The following LPP variants were observed in gnomAD, a reference collection of about 807,000 sequenced individuals.
LPP encodes the protein lipoma-preferred partner.
LPP carries 38 observed loss-of-function variants against 60.4 expected under a neutral mutation model. The ratio of observed to expected loss-of-function variants is 0.63; its 90% confidence interval spans 0.49 to 0.83. The LOEUF (loss-of-function observed/expected upper bound fraction) is 0.83. Among genes scored for constraint, LPP ranks in the 40% least tolerant of loss-of-function variants. LPP has a pLI of 0.00. For synonymous variants in LPP, 328 were observed against 290.8 expected (o/e 1.13, Z -1.30); for missense variants, 902 against 783.6 (o/e 1.15, Z -1.80).
intron 2 of LPP, among the ~76,000 whole-genome samples, chr3:188,271,877 C>T (rs1008292473): frequency 4.6e-5 from 7 of 152,078 alleles, no homozygotes; most frequent in East Asian, 3.9e-4. Flanking sequence ...ACAATGGCTC[C>T]GAGAAGGCCA....
chr3:188,887,014 GA>G lies in LPP; in HGVS notation c.*12539del. ...CTCTCTTTATATTTCTATCTGTTGGGAAAAGGGTAAAGAACTATTCTTGGTC... is the reference window on the plus strand; with the variant it reads ...CTCTCTTTATATTTCTATCTGTTGGGAAAGGGTAAAGAACTATTCTTGGTC... On this transcript the variant is annotated 3_prime_UTR_variant, in exon 12 of 12. Transcript: ENST00000617246. 4.3e-6 allele frequency: 1 copy of G among 231,470 alleles called. No homozygotes were observed. The highest frequency in any genetic ancestry group is 8.6e-6 in the Non-Finnish European group (1 of 116,952). 14.3% of individuals were successfully genotyped at this position (231,470 alleles called of 1,614,324 possible).
intron 9 of LPP, among the ~76,000 whole-genome samples, chr3:188,764,641 A>T (rs747696225): frequency 6.6e-6 from 1 of 152,234 alleles, no homozygotes; most frequent in Admixed American, 6.5e-5. Context: ...CCTTCTGCAC[A>T]TAAAGAGACA....
intron 6 of LPP, among the ~76,000 whole-genome samples, chr3:188,540,428 A>G (rs1824845847): frequency 1.3e-5 from 2 of 152,340 alleles, no homozygotes; most frequent in African/African-American, 4.8e-5. Flanking sequence ...TTTAAAGACC[A>G]AGTTCATGTT....
chr3:188,406,630 T>C (rs1207078168), intron 4 of LPP, among the ~76,000 whole-genome samples: 10 of 152,194 alleles, frequency 6.6e-5, no homozygotes, highest in African/African-American at 2.4e-4. Context: ...CATTCTCTTG[T>C]AGGGTTTTAG....
At chr3:188,545,576 G>C (rs1297304062) in intron 6 of LPP, among the ~76,000 whole-genome samples, 2 of 152,062 alleles carry the variant, frequency 1.3e-5, no homozygotes, top group African/African-American at 4.8e-5. Flanking sequence ...GCCTCGATTT[G>C]GGTGCAGAGG....
chr3:188,657,258 G>GTGTATATATATATATATA (rs1553782707), intron 7 of LPP, among the ~76,000 whole-genome samples: 2,870 of 89,704 alleles, frequency 0.032, 138 homozygotes, highest in East Asian at 0.12. Flanking sequence ...CTGTCAAGGT[G>GTGTATATATATATATATA]TATATATATA....
At chr3:188,350,315 T>C (rs1377415252) in intron 3 of LPP, among the ~76,000 whole-genome samples, 2 of 152,184 alleles carry the variant, frequency 1.3e-5, no homozygotes, top group African/African-American at 2.4e-5. Context: ...CTCTTTCCTA[T>C]TGGAGGTTTC....
chr3:188,845,397 G>A (rs1577936908), intron 9 of LPP, among the ~76,000 whole-genome samples: 1 of 152,214 alleles, frequency 6.6e-6, no homozygotes, highest in African/African-American at 2.4e-5. Context: ...GAAAGCTTGA[G>A]AGAGATGAAA....
At chr3:188,165,435 A>G (rs1250604354) in intron 1 of LPP, among the ~76,000 whole-genome samples, 1 of 152,200 alleles carries the variant, frequency 6.6e-6, no homozygotes, top group Admixed American at 6.5e-5. Flanking sequence ...CATAACATGG[A>G]TAGAGACATG....
intron 7 of LPP, among the ~76,000 whole-genome samples, chr3:188,688,535 G>A (rs914576777): frequency 3.3e-5 from 5 of 152,226 alleles, no homozygotes; most frequent in African/African-American, 1.2e-4. Context: ...AGAGGATGTG[G>A]AAGGGAATCA....
chr3:188,579,282 T>A (rs1560589730), intron 6 of LPP, among the ~76,000 whole-genome samples: 2 of 151,998 alleles, frequency 1.3e-5, no homozygotes, highest in African/African-American at 4.8e-5. Flanking sequence ...TTTAAAACTC[T>A]CTTACTCAAC....
At chr3:188,360,186 T>C (rs1375164468) in intron 3 of LPP, among the ~76,000 whole-genome samples, 1 of 152,202 alleles carries the variant, frequency 6.6e-6, no homozygotes, top group African/African-American at 2.4e-5. Flanking sequence ...AGGAACGCTT[T>C]TCAAACCCGG....
intron 9 of LPP, among the ~76,000 whole-genome samples, chr3:188,788,486 C>T (rs1742624685): frequency 2.0e-5 from 3 of 152,322 alleles, no homozygotes; most frequent in South Asian, 4.1e-4. Context: ...TCCCCATCAT[C>T]CTGTAATAGC....
At chr3:188,163,785 T>TCCAA (rs1553798562) in intron 1 of LPP, among the ~76,000 whole-genome samples, 3 of 37,158 alleles carry the variant, frequency 8.1e-5, no homozygotes, top group Non-Finnish European at 1.5e-4. Context: ...CTACTAAATA[T>TCCAA]ACAAAAAAAA....
At chr3:188,608,945 T>C (rs1843040729) in intron 6 of LPP, among the ~76,000 whole-genome samples, 1 of 152,172 alleles carries the variant, frequency 6.6e-6, no homozygotes, top group Non-Finnish European at 1.5e-5. Flanking sequence ...TTCCTTTCTT[T>C]CCTTTTCTGC....
chr3:188,888,574 C>G lies in LPP; in HGVS notation c.*14095C>G, dbSNP rs888937996. 8.9e-6 allele frequency: 2 copies of G among 225,874 alleles called. No homozygotes were observed. Among genetic ancestry groups the G allele is most frequent in the Non-Finnish European group, 1.8e-5 (2 of 113,258 alleles). The allele number at this position is 225,874 out of a possible 1,614,324, so 14.0% of individuals were successfully genotyped here. A position where few individuals can be genotyped will look rare whatever the true frequency, so the allele number is the denominator to read the frequency against. ...CATCAGCAAAGTGAGAAGATGAGCACTAAATATAGGCTCTATTAACTTTAC... is the reference window on the plus strand; with the variant it reads ...CATCAGCAAAGTGAGAAGATGAGCAGTAAATATAGGCTCTATTAACTTTAC... On this transcript the variant is annotated 3_prime_UTR_variant, in exon 12 of 12. Coordinates refer to ENST00000617246, the MANE Select transcript of LPP (RefSeq NM_001375462.1).
chr3:188,394,293 T>C (rs1297368732), intron 3 of LPP, among the ~76,000 whole-genome samples: 1 of 152,222 alleles, frequency 6.6e-6, no homozygotes, highest in East Asian at 1.9e-4. Flanking sequence ...CAATAGGTGG[T>C]ACTTATGGGA....
chr3:188,231,869 G>C (rs942817318), intron 2 of LPP, among the ~76,000 whole-genome samples: 2 of 152,148 alleles, frequency 1.3e-5, no homozygotes, highest in Non-Finnish European at 2.9e-5. Context: ...AGGGGTCTGC[G>C]TCTCCTGGTG....
At chr3:188,696,953 G>A (rs992172465) in intron 7 of LPP, among the ~76,000 whole-genome samples, 1 of 152,276 alleles carries the variant, frequency 6.6e-6, no homozygotes, top group Admixed American at 6.5e-5. Context: ...TTGCTACACT[G>A]CTCGTGTACT....
Sources: gnomAD v4.1 joint callset for allele counts (sites outside exome capture counted in the v4.1 genomes callset) on GRCh38, gnomAD v4.1.1 for gene constraint, MANE v1.5 for transcripts, NCBI Gene and HGNC (gene_info 2026-07-23, HGNC 2026-07-21) for gene names.